The following SLC8A1 variants were observed in gnomAD, a reference collection of about 807,000 sequenced individuals.
SLC8A1 encodes the protein sodium/calcium exchanger 1.
A neutral mutation model predicts 68.3 loss-of-function variants in SLC8A1; 18 were observed. The observed-to-expected ratio is 0.26, with a 90% CI of 0.18 to 0.39. The LOEUF (loss-of-function observed/expected upper bound fraction) is 0.39. Ranked by LOEUF, SLC8A1 falls within the 10% of genes least tolerant of loss-of-function variation. The pLI is 1.00. For synonymous variants in SLC8A1, 475 were observed against 415.5 expected (o/e 1.14, Z -1.74); for missense variants, 985 against 1,156.7 (o/e 0.85, Z 2.15).
intron 2 of SLC8A1, among the ~76,000 whole-genome samples, chr2:40,287,582 ATG>A (rs10522914): frequency 0.037 from 4,667 of 127,202 alleles, 169 homozygotes; most frequent in African/African-American, 0.085. Context: ...CAGAGGAATG[ATG>A]TGTGTGTGTG....
At chr2:40,117,384 T>C (rs148738241) in intron 7 of SLC8A1, among the ~76,000 whole-genome samples, 1,825 of 41,812 alleles carry the variant, frequency 0.044, 19 homozygotes, top group Non-Finnish European at 0.055. Context: ...GTCTATATAC[T>C]AAAAATACAA....
intron 2 of SLC8A1, among the ~76,000 whole-genome samples, chr2:40,396,761 A>AAAAAAAC (rs1553565971): frequency 3.4e-5 from 2 of 59,558 alleles, no homozygotes; most frequent in Non-Finnish European, 5.2e-5. Flanking sequence ...AAAAAAAAAA[A>AAAAAAAC]AAAAAAAAAA....
chr2:40,127,571 A>T (rs2038403423), intron 7 of SLC8A1, among the ~76,000 whole-genome samples: 1 of 152,222 alleles, frequency 6.6e-6, no homozygotes, highest in Non-Finnish European at 1.5e-5. Flanking sequence ...ATAACTCAGG[A>T]ATCACAGGCT....
chr2:40,133,082 A>T (rs1224085297), intron 7 of SLC8A1, among the ~76,000 whole-genome samples: 1 of 152,152 alleles, frequency 6.6e-6, no homozygotes, highest in African/African-American at 2.4e-5. Flanking sequence ...GTTTGTTTGA[A>T]TTGCCATGTA....
intron 1 of SLC8A1, among the ~76,000 whole-genome samples, chr2:40,445,646 C>A (rs951405820): frequency 2.0e-5 from 3 of 152,046 alleles, no homozygotes; most frequent in African/African-American, 7.2e-5. Flanking sequence ...TGGTATGAAG[C>A]AACAGAAGGA....
At position 40,417,870 on chromosome 2, in the gene SLC8A1, T is replaced by TACACACACACACAC. The variant is rs70957174; in HGVS notation, c.1808+10589_1808+10602dup. On this transcript the variant is annotated intron_variant, in intron 2 of 7. Coordinates refer to ENST00000406785, the Ensembl canonical transcript of SLC8A1. ...CAGGCACACTGATAGCTTGGATGGA[T>TACACACACACACAC]ACACACACACACACACACACACACA... Among the ~76,000 whole-genome samples the TACACACACACACAC allele has an allele frequency of 7.1e-3, 1,048 of 147,182 alleles. 6 individuals carry two copies. The highest frequency in any genetic ancestry group is 0.028 in the Middle Eastern group (8 of 286).
rs1248979460 is a variant in SLC8A1 at position 40,408,738 on chromosome 2, GT to G, written c.1808+19734del. Reference sequence around the variant, plus strand: ...AGACCTGTATTTCGAAGGGGCACCAGTTAGATATTTAAAACTCACGAGTATG... The same window carrying G: ...AGACCTGTATTTCGAAGGGGCACCAGTAGATATTTAAAACTCACGAGTATG... On this transcript the variant is annotated intron_variant, in intron 2 of 7. Coordinates refer to ENST00000406785, the Ensembl canonical transcript of SLC8A1. Among the ~76,000 whole-genome samples the G allele has an allele frequency of 5.9e-5, 9 of 152,256 alleles. No homozygotes were observed. In the East Asian group the frequency reaches 1.7e-3, roughly 29 times the overall value.
Position 40,447,960 on chromosome 2 carries a change from T to C in SLC8A1, c.-25+3944A>G, listed in dbSNP as rs114264009. The stretch of plus-strand genomic sequence containing the variant: ...TGGAAATGTGATTCACTTAAACTTT[T>C]GTCTTGTTACTGTCTACACTCTTGG... On this transcript the variant is annotated intron_variant, in intron 1 of 7. Coordinates refer to ENST00000406785, the Ensembl canonical transcript of SLC8A1. Among the ~76,000 whole-genome samples, 484 of 152,270 alleles carry C rather than the reference T, an allele frequency of 3.2e-3. 2 individuals carry two copies. Among genetic ancestry groups the C allele is most frequent in the African/African-American group, 0.011 (465 of 41,548 alleles).
chr2:40,333,699 T>G (rs1402298649), intron 2 of SLC8A1, among the ~76,000 whole-genome samples: 1 of 152,258 alleles, frequency 6.6e-6, no homozygotes, highest in Non-Finnish European at 1.5e-5. Context: ...TTATCATTAT[T>G]GTAGCATACC....
chr2:40,428,225 A>G (rs1697375836), intron 2 of SLC8A1, among the ~76,000 whole-genome samples: 1 of 152,138 alleles, frequency 6.6e-6, no homozygotes, highest in Admixed American at 6.6e-5. Context: ...TGTAGTTAAA[A>G]TGTGTAAATG....
At chr2:40,410,245 CA>C (rs1691689995) in intron 2 of SLC8A1, among the ~76,000 whole-genome samples, 1 of 152,052 alleles carries the variant, frequency 6.6e-6, no homozygotes, top group Admixed American at 6.6e-5. Flanking sequence ...ATCAGGCCAT[CA>C]GAACAATAAA....
At chr2:40,353,036 G>T (rs1053235863) in intron 2 of SLC8A1, among the ~76,000 whole-genome samples, 5 of 152,054 alleles carry the variant, frequency 3.3e-5, no homozygotes, top group African/African-American at 1.2e-4. Context: ...TTCCTGAAGG[G>T]GTGGAGCTCT....
In SLC8A1 at chr2:40,178,375, C is replaced by T. The variant is rs201433160; in HGVS notation, c.1809-520G>A. The T allele has an allele frequency of 1.9e-6, 3 of 1,608,246 alleles. No homozygotes were observed. The African/African-American group carries it at 4.0e-5, about 21-fold the overall frequency. On this transcript the variant is annotated intron_variant, in intron 2 of 7. Coordinates refer to ENST00000406785, the Ensembl canonical transcript of SLC8A1. ...GAAGCTGTTGGGCTCAGCCCTGGAG[C>T]AGCTCCCCCACCTTTCTTCTCACTC...
chr2:40,232,750 C>T (rs112999488), intron 2 of SLC8A1, among the ~76,000 whole-genome samples: 2 of 84,224 alleles, frequency 2.4e-5, no homozygotes, highest in African/African-American at 8.6e-5. Flanking sequence ...TCCCTCCCCC[C>T]CCGCCACCCC....
At chr2:40,347,248 A>T (rs2149431812) in intron 2 of SLC8A1, among the ~76,000 whole-genome samples, 1 of 152,258 alleles carries the variant, frequency 6.6e-6, no homozygotes, top group East Asian at 1.9e-4. Flanking sequence ...GATCGTTCCA[A>T]CCTTGGCCTC....
intron 2 of SLC8A1, among the ~76,000 whole-genome samples, chr2:40,271,127 A>G (rs1176398390): frequency 6.6e-6 from 1 of 151,682 alleles, no homozygotes; most frequent in African/African-American, 2.4e-5. Context: ...CCCGTATTCA[A>G]AACTCTCTAA....
chr2:40,468,706 C>T (rs770712434), intron 1 of SLC8A1, among the ~76,000 whole-genome samples: 4 of 152,028 alleles, frequency 2.6e-5, no homozygotes, highest in Non-Finnish European at 4.4e-5. Flanking sequence ...CCATCTTTAG[C>T]TTCACCAGTT....
At chr2:40,145,068 G>A (rs12464756) in intron 6 of SLC8A1, among the ~76,000 whole-genome samples, 54,928 of 151,934 alleles carry the variant, frequency 0.36, 11,239 homozygotes, top group Middle Eastern at 0.5. Flanking sequence ...GTCTCTCATT[G>A]CCTGCCCCAA....
At chr2:40,450,579 G>A (rs1193902061) in intron 1 of SLC8A1, among the ~76,000 whole-genome samples, 2 of 152,108 alleles carry the variant, frequency 1.3e-5, no homozygotes, top group East Asian at 3.9e-4. Flanking sequence ...TCCATGATCA[G>A]GACGCTTGTA....
Sources: allele counts gnomAD v4.1 joint callset (sites outside exome capture counted in the v4.1 genomes callset), GRCh38; gene constraint gnomAD v4.1.1; transcripts MANE v1.5; gene names NCBI Gene and HGNC (gene_info 2026-07-23, HGNC 2026-07-21).